ADAMTS7: variants seen among roughly 807,000 people sequenced by gnomAD.
ADAMTS7 encodes the protein ADAM metallopeptidase with thrombospondin type 1 motif 7.
In ADAMTS7, 89 loss-of-function variants were observed where a neutral mutation model predicts 172.6. The ratio of observed to expected loss-of-function variants is 0.52; its 90% confidence interval spans 0.43 to 0.61. ADAMTS7 has a LOEUF of 0.61. Among genes scored for constraint, ADAMTS7 ranks in the 20% least tolerant of loss-of-function variants. The pLI, the probability that ADAMTS7 is intolerant of heterozygous loss-of-function variation, is 0.00. For synonymous variants in ADAMTS7, 885 were observed against 978.4 expected (o/e 0.90, Z 1.78); for missense variants, 1,973 against 2,355.6 (o/e 0.84, Z 3.36).
intron 4 of ADAMTS7, among the ~76,000 whole-genome samples, chr15:78,795,313 A>G (rs1328981004): frequency 2.0e-5 from 3 of 152,226 alleles, no homozygotes; most frequent in Non-Finnish European, 4.4e-5. Context: ...TGGGCCTTCA[A>G]GGCCTCAAAT....
At chr15:78,776,387 C>T (rs2055346489) in intron 10 of ADAMTS7, 54 bp from the exon 11 acceptor site, 2 of 1,583,530 alleles carry the variant, frequency 1.3e-6, no homozygotes, top group South Asian at 1.2e-5. Context: ...ATCAGTCATC[C>T]TCACCCTAGT....
chr15:78,778,991 T>C (rs907832946), intron 8 of ADAMTS7, among the ~76,000 whole-genome samples: 9 of 152,028 alleles, frequency 5.9e-5, no homozygotes, highest in Admixed American at 2.0e-4. Context: ...GAAGCCCTGA[T>C]TTCAGAGGAG....
In ADAMTS7 at chr15:78,789,853, A is replaced by C. The variant is rs113101849; in HGVS notation, c.1029-15T>G. 349 of 1,571,046 alleles carry C rather than the reference A, an allele frequency of 2.2e-4. No homozygotes were observed. The highest frequency in any genetic ancestry group is 1.2e-3 in the South Asian group (101 of 85,856). Reference sequence around the variant, plus strand: ...ACAGGTCCTTTCTGCACAGGCAAAGAAGCAGCCTTCAGGCTAACCTGGCCC... The same window carrying C: ...ACAGGTCCTTTCTGCACAGGCAAAGCAGCAGCCTTCAGGCTAACCTGGCCC... On this transcript the variant is annotated splice_polypyrimidine_tract_variant and intron_variant, in intron 6 of 23. Transcript: ENST00000388820.
At chr15:78,798,616 C>T (rs1279116364) in intron 2 of ADAMTS7, among the ~76,000 whole-genome samples, 11 of 152,188 alleles carry the variant, frequency 7.2e-5, no homozygotes, top group Admixed American at 4.6e-4. Flanking sequence ...CAGCCACACC[C>T]GAGCGGAGGA....
chr15:78,767,625 C>T, intron 17 of ADAMTS7, 33 bp from the exon 18 acceptor site: 1 of 1,507,466 alleles, frequency 6.6e-7, no homozygotes, highest in Non-Finnish European at 8.9e-7. Context: ...ATCAGTGTGG[C>T]ATCAGACAGG....
Position 78,759,505 on chromosome 15 carries a change from G to C in ADAMTS7, c.4977C>G (p.Thr1659=). 6.3e-7 allele frequency: 1 copy of C among 1,597,808 alleles called. No individual in the cohort carries two copies. Among genetic ancestry groups the C allele is most frequent in the Non-Finnish European group, 8.5e-7 (1 of 1,177,536 alleles). Residue 1659 remains threonine (T), a synonymous_variant, in exon 24 of 24, where the codon ACC becomes ACG. Transcript: ENST00000388820. The part of the protein sequence containing the change: ...LRLLGRCQLP[T]IRTQCCRSCS... ...ACGAGCGGCAGCACTGGGTGCGGATGGTGGGCAGCTGGCAGCGGCCCAGTA... is the reference window on the plus strand; with the variant it reads ...ACGAGCGGCAGCACTGGGTGCGGATCGTGGGCAGCTGGCAGCGGCCCAGTA...
chr15:78,783,786 C>T (rs1390670027), intron 8 of ADAMTS7, among the ~76,000 whole-genome samples: 1 of 152,060 alleles, frequency 6.6e-6, no homozygotes, highest in Non-Finnish European at 1.5e-5. Context: ...GCTCCAAAAT[C>T]CAAAACTTTT....
At chr15:78,797,291 G>A (rs1182807453) in intron 3 of ADAMTS7, among the ~76,000 whole-genome samples, 1 of 152,250 alleles carries the variant, frequency 6.6e-6, no homozygotes, top group African/African-American at 2.4e-5. Context: ...ATCAGAAGAG[G>A]AAGCACATCT....
chr15:78,768,615 T>C lies in ADAMTS7; in HGVS notation c.2519-356A>G, dbSNP rs1190845061. 4.6e-5 allele frequency among the ~76,000 whole-genome samples: 7 copies of C among 152,340 alleles called. No individual in the cohort carries two copies. The South Asian group carries it at 1.2e-3, about 27-fold the overall frequency. The stretch of plus-strand genomic sequence containing the variant: ...CTCTGTAAAGTGGGAGCAACAATCC[T>C]GCCTCCTCCATGTCCTGGAGGGAGG... On this transcript the variant is annotated intron_variant, in intron 16 of 23. Coordinates refer to ENST00000388820, the MANE Select transcript of ADAMTS7 (RefSeq NM_014272.5).
chr15:78,807,932 G>T (rs1192004049), intron 1 of ADAMTS7, among the ~76,000 whole-genome samples: 2 of 151,080 alleles, frequency 1.3e-5, no homozygotes, highest in African/African-American at 4.9e-5. Flanking sequence ...GTGGTTTACT[G>T]CAGCCTTGAC....
At chr15:78,795,670 GC>G (rs2055633397) in intron 4 of ADAMTS7, among the ~76,000 whole-genome samples, 1 of 152,130 alleles carries the variant, frequency 6.6e-6, no homozygotes, top group Non-Finnish European at 1.5e-5. Context: ...CACTTACCTT[GC>G]CCCCAACAAC....
At chr15:78,786,813 C>T (rs1471359972) in intron 8 of ADAMTS7, among the ~76,000 whole-genome samples, 1 of 152,146 alleles carries the variant, frequency 6.6e-6, no homozygotes, top group East Asian at 1.9e-4. Context: ...ATACAGCTCA[C>T]CTTTGAACAA....
At chr15:78,798,617 G>A (rs2055677857) in intron 2 of ADAMTS7, among the ~76,000 whole-genome samples, 1 of 152,134 alleles carries the variant, frequency 6.6e-6, no homozygotes. Flanking sequence ...AGCCACACCC[G>A]AGCGGAGGAG....
At chr15:78,784,209 T>C (rs1368160412) in intron 8 of ADAMTS7, among the ~76,000 whole-genome samples, 1 of 151,378 alleles carries the variant, frequency 6.6e-6, no homozygotes, top group Non-Finnish European at 1.5e-5. Context: ...AATTAAAAAT[T>C]AAAAAATTAG....
chr15:78,783,519 C>G (rs1354558000), intron 8 of ADAMTS7, among the ~76,000 whole-genome samples: 1 of 152,072 alleles, frequency 6.6e-6, no homozygotes. Flanking sequence ...CTCAAGAGAT[C>G]CGCCTGCCTT....
At chr15:78,796,536 A>C (rs1596197432) in intron 4 of ADAMTS7, 54 bp downstream of exon 4, 4 of 1,548,926 alleles carry the variant, frequency 2.6e-6, no homozygotes, top group Non-Finnish European at 1.8e-6. Context: ...CACTCTTTGC[A>C]CCCCACCCCC....
intron 8 of ADAMTS7, among the ~76,000 whole-genome samples, chr15:78,783,300 C>T (rs2141499834): frequency 6.6e-6 from 1 of 152,322 alleles, no homozygotes; most frequent in East Asian, 1.9e-4. Context: ...GACAGAGTCT[C>T]TCTCTGTTGC....
chr15:78,781,599 C>G (rs941243437), intron 8 of ADAMTS7, among the ~76,000 whole-genome samples: 1 of 152,202 alleles, frequency 6.6e-6, no homozygotes, highest in African/African-American at 2.4e-5. Flanking sequence ...ATTCCAGCAG[C>G]TGAATGAGGA....
intron 8 of ADAMTS7, among the ~76,000 whole-genome samples, chr15:78,787,836 TCC>T: frequency 6.6e-6 from 1 of 152,264 alleles, no homozygotes; most frequent in Admixed American, 6.5e-5. Flanking sequence ...CAGCCTTTGC[TCC>T]CATAGCCTTG....
Sources: allele counts gnomAD v4.1 joint callset (sites outside exome capture counted in the v4.1 genomes callset), GRCh38; gene constraint gnomAD v4.1.1; transcripts MANE v1.5; gene names NCBI Gene and HGNC (gene_info 2026-07-23, HGNC 2026-07-21).